The following TFDP2 variants were observed in gnomAD, a reference collection of about 807,000 sequenced individuals.
TFDP2 encodes the protein transcription factor Dp-2 (E2F dimerization partner 2).
A neutral mutation model predicts 59.3 loss-of-function variants in TFDP2; 17 were observed. The ratio of observed to expected loss-of-function variants is 0.29; its 90% confidence interval spans 0.20 to 0.43. The LOEUF is 0.43. Among genes scored for constraint, TFDP2 ranks in the 20% least tolerant of loss-of-function variants. The pLI is 1.00. For missense variants in TFDP2, 391 were observed against 528.8 expected (o/e 0.74, Z 2.56); for synonymous variants, 180 against 194.7 (o/e 0.92, Z 0.63).
intron 1 of TFDP2, among the ~76,000 whole-genome samples, chr3:142,116,129 A>C (rs2061846142): frequency 1.3e-5 from 2 of 151,812 alleles, no homozygotes; most frequent in South Asian, 4.2e-4. Context: ...CAGTGGTGCA[A>C]TCACAGCTCA....
chr3:141,979,203 T>C (rs920984058), intron 6 of TFDP2, among the ~76,000 whole-genome samples: 3 of 152,198 alleles, frequency 2.0e-5, no homozygotes, highest in Non-Finnish European at 4.4e-5. Flanking sequence ...ATGTGAGTAA[T>C]AATGCATTAC....
intron 1 of TFDP2, among the ~76,000 whole-genome samples, chr3:142,131,254 A>G (rs1193996435): frequency 6.7e-6 from 1 of 150,144 alleles, no homozygotes; most frequent in Non-Finnish European, 1.5e-5. Flanking sequence ...GAAGACACAA[A>G]TAGACAAAAA....
At chr3:141,973,002 A>C (rs1358081642) in intron 8 of TFDP2, among the ~76,000 whole-genome samples, 1 of 151,182 alleles carries the variant, frequency 6.6e-6, no homozygotes, top group Admixed American at 6.6e-5. Context: ...CTCTCCATCC[A>C]TAAGTATAAT....
chr3:141,969,076 GATATATATATATAAC>G (rs1281413339), intron 9 of TFDP2, among the ~76,000 whole-genome samples: 6 of 58,456 alleles, frequency 1.0e-4, no homozygotes, highest in African/African-American at 4.9e-4. Context: ...ATATATATGA[GATATATATATATAAC>G]ATATATATAT....
chr3:142,109,813 C>A (rs1301369773), intron 1 of TFDP2, among the ~76,000 whole-genome samples: 1 of 152,178 alleles, frequency 6.6e-6, no homozygotes, highest in Non-Finnish European at 1.5e-5. Flanking sequence ...TTACTAAAAG[C>A]TGTTCTTCCT....
At chr3:142,102,733 C>G (rs1323788468) in intron 1 of TFDP2, among the ~76,000 whole-genome samples, 1 of 152,100 alleles carries the variant, frequency 6.6e-6, no homozygotes, top group East Asian at 1.9e-4. Context: ...ATGGGGCAAG[C>G]CAACATGTGT....
chr3:142,058,963 T>C (rs2059829855), intron 3 of TFDP2, among the ~76,000 whole-genome samples: 1 of 152,162 alleles, frequency 6.6e-6, no homozygotes, highest in African/African-American at 2.4e-5. Flanking sequence ...ATCCTAAAGC[T>C]ATCTAGGGGA....
chr3:142,036,215 T>A (rs1393162270), intron 3 of TFDP2, among the ~76,000 whole-genome samples: 1 of 152,190 alleles, frequency 6.6e-6, no homozygotes, highest in East Asian at 1.9e-4. Flanking sequence ...GGATAACTGT[T>A]TTAGGATAAC....
chr3:142,035,264 A>C (rs1946637119), intron 3 of TFDP2, among the ~76,000 whole-genome samples: 1 of 152,194 alleles, frequency 6.6e-6, no homozygotes. Flanking sequence ...CCTGCTTAAA[A>C]ACTTTCAGTA....
At chr3:142,100,296 A>G (rs539980435) in intron 2 of TFDP2, among the ~76,000 whole-genome samples, 6 of 152,346 alleles carry the variant, frequency 3.9e-5, no homozygotes, top group African/African-American at 1.4e-4. Flanking sequence ...AGTCAACATC[A>G]GACTTTAACT....
chr3:142,134,119 C>G (rs1560179952), intron 1 of TFDP2, among the ~76,000 whole-genome samples: 1 of 151,402 alleles, frequency 6.6e-6, no homozygotes, highest in East Asian at 1.9e-4. Flanking sequence ...AGTGGAAGCA[C>G]ACTGAAAGTG....
chr3:142,077,525 A>G (rs2060500805), intron 3 of TFDP2, among the ~76,000 whole-genome samples: 1 of 152,106 alleles, frequency 6.6e-6, no homozygotes, highest in Non-Finnish European at 1.5e-5. Context: ...CAGAATCATG[A>G]GCCCATTCTA....
chr3:142,012,056 A>T (rs1480018399), intron 3 of TFDP2, among the ~76,000 whole-genome samples: 2 of 140,014 alleles, frequency 1.4e-5, no homozygotes, highest in Non-Finnish European at 3.0e-5. Context: ...TCTGTCACCC[A>T]GGCTGGAGTG....
At chr3:142,137,803 G>A (rs73236034) in intron 1 of TFDP2, among the ~76,000 whole-genome samples, 4 of 152,062 alleles carry the variant, frequency 2.6e-5, no homozygotes, top group Non-Finnish European at 4.4e-5. Context: ...GAGGATTTTC[G>A]TATCAATGTT....
intron 1 of TFDP2, among the ~76,000 whole-genome samples, chr3:142,134,330 C>T (rs1322461581): frequency 7.0e-6 from 1 of 142,132 alleles, no homozygotes; most frequent in Admixed American, 7.2e-5. Context: ...GCCTGGGCAA[C>T]AGAGCGAGAC....
chr3:141,965,065 CAACA>C (rs1358244971), intron 9 of TFDP2, among the ~76,000 whole-genome samples: 4 of 152,028 alleles, frequency 2.6e-5, no homozygotes, highest in East Asian at 1.9e-4. Context: ...AAAAACCAAC[CAACA>C]AACAAACAAG....
At chr3:142,107,095 G>C (rs1233939654) in intron 1 of TFDP2, among the ~76,000 whole-genome samples, 1 of 151,982 alleles carries the variant, frequency 6.6e-6, no homozygotes, top group Non-Finnish European at 1.5e-5. Flanking sequence ...CAAAAAGCAA[G>C]AAACAAATAT....
intron 3 of TFDP2, among the ~76,000 whole-genome samples, chr3:142,025,482 T>A (rs1171342066): frequency 6.6e-6 from 1 of 152,260 alleles, no homozygotes; most frequent in Non-Finnish European, 1.5e-5. Context: ...CTTATTGTCA[T>A]GTCTACATTT....
rs556471206 is a variant in TFDP2, at chr3:142,097,724, C to G, written c.15+4011G>C. On this transcript the variant is annotated intron_variant, in intron 2 of 12. Coordinates refer to ENST00000489671, the MANE Select transcript of TFDP2 (RefSeq NM_001178139.2). ...TAAAATAGACACTTAAAATGATGTTCCAGAGATATCAAGATAAGAAAATGC... is the reference window on the plus strand; with the variant it reads ...TAAAATAGACACTTAAAATGATGTTGCAGAGATATCAAGATAAGAAAATGC... Among the ~76,000 whole-genome samples the G allele has an allele frequency of 1.5e-3, 229 of 152,138 alleles. 1 individual carries two copies. Among genetic ancestry groups the G allele is most frequent in the Non-Finnish European group, 2.6e-3 (178 of 67,990 alleles).
Sources: gnomAD v4.1 joint callset for allele counts (sites outside exome capture counted in the v4.1 genomes callset) on GRCh38, gnomAD v4.1.1 for gene constraint, MANE v1.5 for transcripts, NCBI Gene and HGNC (gene_info 2026-07-23, HGNC 2026-07-21) for gene names.